DOCK2: variants seen among roughly 807,000 people sequenced by gnomAD.
DOCK2 encodes dedicator of cytokinesis 2.
DOCK2 carries 87 observed loss-of-function variants against 248.9 expected under a neutral mutation model. The ratio of observed to expected loss-of-function variants is 0.35; its 90% confidence interval spans 0.29 to 0.42. The LOEUF is 0.42. Among genes scored for constraint, DOCK2 ranks in the 10% least tolerant of loss-of-function variants. The probability of loss-of-function intolerance (pLI) is 1.00; values close to 1 mark genes in which losing one functional copy is unlikely to be tolerated. For missense variants in DOCK2, 1,747 were observed against 2,300.2 expected, an observed-to-expected ratio of 0.76 and a Z score of 4.92; for synonymous variants, 805 against 821.6, an observed-to-expected ratio of 0.98 and a Z score of 0.35.
intron 27 of DOCK2, among the ~76,000 whole-genome samples, chr5:169,871,138 T>G (rs1200044291): frequency 6.6e-6 from 1 of 152,190 alleles, no homozygotes; most frequent in Non-Finnish European, 1.5e-5. Flanking sequence ...CTTCCAAAGT[T>G]TCTACCTCCA....
chr5:169,883,846 A>T (rs1772816559), intron 27 of DOCK2: 1 of 1,541,674 alleles, frequency 6.5e-7, no homozygotes, highest in Non-Finnish European at 8.8e-7. Flanking sequence ...CACTGATTCT[A>T]GACTGTTACG....
At chr5:169,955,618 G>A (rs138080177) in intron 27 of DOCK2, among the ~76,000 whole-genome samples, 29 of 152,284 alleles carry the variant, frequency 1.9e-4, no homozygotes, top group East Asian at 1.3e-3. Context: ...TCTGAGGACC[G>A]TGTATGAAGC....
chr5:169,858,036 G>T (rs1400646609), intron 27 of DOCK2, among the ~76,000 whole-genome samples: 3 of 152,096 alleles, frequency 2.0e-5, no homozygotes, highest in Non-Finnish European at 2.9e-5. Context: ...ACTCACTATG[G>T]TACCATCCTA....
At chr5:170,020,884 C>A (rs1408424460) in intron 33 of DOCK2, among the ~76,000 whole-genome samples, 1 of 152,202 alleles carries the variant, frequency 6.6e-6, no homozygotes, top group African/African-American at 2.4e-5. Flanking sequence ...ATATTGGAAC[C>A]CATCTTAGAG....
chr5:169,729,875 C>T (rs1378703919), intron 22 of DOCK2, among the ~76,000 whole-genome samples: 1 of 152,116 alleles, frequency 6.6e-6, no homozygotes, highest in Non-Finnish European at 1.5e-5. Context: ...GTCACTTCAC[C>T]TCTGGGTCTT....
intron 38 of DOCK2, among the ~76,000 whole-genome samples, chr5:170,045,196 G>T (rs540303237): frequency 3.2e-4 from 49 of 152,068 alleles, no homozygotes; most frequent in Non-Finnish European, 6.0e-4. Context: ...GACAGGATTG[G>T]CAGAGTAGAA....
intron 27 of DOCK2, among the ~76,000 whole-genome samples, chr5:169,968,144 T>G (rs1399317418): frequency 6.6e-6 from 1 of 152,168 alleles, no homozygotes. Context: ...CTGACAACAC[T>G]TTGTAATCTC....
At chr5:170,032,316 G>A (rs887573013) in intron 34 of DOCK2, among the ~76,000 whole-genome samples, 4 of 152,200 alleles carry the variant, frequency 2.6e-5, no homozygotes, top group African/African-American at 7.2e-5. Flanking sequence ...GTGAGCCACC[G>A]CGCCTGGCCC....
At chr5:169,911,991 A>G (rs1774623071) in intron 27 of DOCK2, among the ~76,000 whole-genome samples, 1 of 152,192 alleles carries the variant, frequency 6.6e-6, no homozygotes, top group Non-Finnish European at 1.5e-5. Context: ...GAATGATTGC[A>G]TAAGCCAAGA....
At chr5:170,047,846 T>G (rs975815449) in intron 40 of DOCK2, among the ~76,000 whole-genome samples, 1 of 152,154 alleles carries the variant, frequency 6.6e-6, no homozygotes, top group African/African-American at 2.4e-5. Flanking sequence ...CCTCGTGAGG[T>G]AGTGAGTTCC....
At chr5:169,899,191 A>G (rs776454165) in intron 27 of DOCK2, among the ~76,000 whole-genome samples, 1 of 152,332 alleles carries the variant, frequency 6.6e-6, no homozygotes, top group East Asian at 1.9e-4. Flanking sequence ...AATGATGACA[A>G]GGTGGCTGCT....
Position 170,081,930 on chromosome 5 carries a change from T to C in DOCK2, c.5376T>C (p.Asp1792=). The part of the protein sequence containing the change: ...RLSQTFLQLS[D]GDKKTLTRKK... ...GCCAGACCTTCCTCCAACTCTCAGA[T>C]GGTGACAAGAAGACACTCACACGGA... Residue 1792 remains aspartate (D), a synonymous_variant, in exon 51 of 52, where the codon GAT becomes GAC. Transcript: ENST00000520908. The C allele has an allele frequency of 6.2e-7, 1 of 1,613,986 alleles. No homozygotes were observed. Among genetic ancestry groups the C allele is most frequent in the Non-Finnish European group, 8.5e-7 (1 of 1,180,006 alleles).
intron 4 of DOCK2, 48 bp downstream of exon 4, chr5:169,670,645 G>A (rs375420717): frequency 6.6e-4 from 1,058 of 1,595,414 alleles, no homozygotes; most frequent in Middle Eastern, 4.7e-3. Context: ...GCTCATGGAT[G>A]TCTCTGTCCT....
chr5:169,730,019 C>T (rs2113619016), intron 22 of DOCK2, among the ~76,000 whole-genome samples: 1 of 152,312 alleles, frequency 6.6e-6, no homozygotes, highest in South Asian at 2.1e-4. Context: ...TGCAATGGCA[C>T]AATCTCGACT....
intron 36 of DOCK2, among the ~76,000 whole-genome samples, chr5:170,038,302 AC>A (rs1756390410): frequency 6.6e-6 from 1 of 152,150 alleles, no homozygotes; most frequent in Non-Finnish European, 1.5e-5. Flanking sequence ...AGAAACACAG[AC>A]GGCAAATCCC....
chr5:169,656,559 CA>C (rs1758132667), intron 2 of DOCK2, among the ~76,000 whole-genome samples: 1 of 152,150 alleles, frequency 6.6e-6, no homozygotes, highest in African/African-American at 2.4e-5. Context: ...GTGATTCGTG[CA>C]CCTCGGCCTC....
At position 170,077,576 on chromosome 5, in the gene DOCK2, C is replaced by G. The variant is rs1757877755; in HGVS notation, c.4867-134C>G. The G allele has an allele frequency of 2.3e-6, 3 of 1,315,674 alleles. No individual in the cohort carries two copies. The Admixed American group carries it at 6.5e-5, about 28-fold the overall frequency. 81.5% of individuals were successfully genotyped at this position (1,315,674 alleles called of 1,614,324 possible). On this transcript the variant is annotated intron_variant, in intron 47 of 51. Transcript: ENST00000520908. ...ACAAGAACGCCCTAGCCTCAGCCAG[C>G]CAGGAACTTTTGTGCTGATGCTCCA...
At chr5:170,039,124 A>G (rs1172662697) in intron 36 of DOCK2, among the ~76,000 whole-genome samples, 1 of 152,186 alleles carries the variant, frequency 6.6e-6, no homozygotes, top group Non-Finnish European at 1.5e-5. Context: ...CAGTTTTCTC[A>G]TCTTAACAGA....
At position 169,810,894 on chromosome 5, in the gene DOCK2, C is replaced by T. The variant is rs142584074; in HGVS notation, c.2703+7688C>T. 3.4e-4 allele frequency among the ~76,000 whole-genome samples: 51 copies of T among 152,066 alleles called. No individual in the cohort carries two copies. In the East Asian group the frequency reaches 8.3e-3, roughly 25 times the overall value. ...TCCCATTCCACATGCCCCCCACCCC[C>T]CATGAATGATTTGTCTAATGCGTTG... On this transcript the variant is annotated intron_variant, in intron 26 of 51. Transcript: ENST00000520908.
Sources: gnomAD v4.1 joint callset for allele counts (sites outside exome capture counted in the v4.1 genomes callset) on GRCh38, gnomAD v4.1.1 for gene constraint, MANE v1.5 for transcripts, NCBI Gene and HGNC (gene_info 2026-07-23, HGNC 2026-07-21) for gene names.